The following DNAJC15 variants were observed in gnomAD, a reference collection of about 807,000 sequenced individuals.
DNAJC15 encodes the protein DnaJ heat shock protein family (Hsp40) member C15, also known as dnaJ homolog subfamily C member 15.
A neutral mutation model predicts 22.4 loss-of-function variants in DNAJC15; 27 were observed. The observed-to-expected ratio is 1.20, with a 90% CI of 0.89 to 1.66. The LOEUF (loss-of-function observed/expected upper bound fraction) is 1.66, where lower values mean the gene tolerates loss of function less well. Among genes scored for constraint, DNAJC15 ranks in the 40% most tolerant of loss-of-function variants. The pLI is 0.00. For missense variants in DNAJC15, 208 were observed against 187.1 expected (o/e 1.11, Z -0.65); for synonymous variants, 79 against 63.2 (o/e 1.25, Z -1.19).
At chr13:43,104,380 T>C (rs760499946) in intron 5 of DNAJC15, among the ~76,000 whole-genome samples, 5 of 152,230 alleles carry the variant, frequency 3.3e-5, no homozygotes, top group Non-Finnish European at 7.3e-5. Flanking sequence ...TGCATTTCCG[T>C]TATCTCCAGG....
intron 1 of DNAJC15, among the ~76,000 whole-genome samples, chr13:43,057,394 G>T (rs1352752297): frequency 6.6e-6 from 1 of 151,964 alleles, no homozygotes; most frequent in African/African-American, 2.4e-5. Flanking sequence ...CGATTCTGTT[G>T]TAACTTTCCA....
At chr13:43,050,108 C>T (rs1464757092) in intron 1 of DNAJC15, among the ~76,000 whole-genome samples, 2 of 151,890 alleles carry the variant, frequency 1.3e-5, no homozygotes, top group East Asian at 1.9e-4. Context: ...TTAGTAGAGA[C>T]GGGGTTTTGT....
chr13:43,081,683 T>C (rs9594880), intron 4 of DNAJC15, among the ~76,000 whole-genome samples: 39,172 of 151,742 alleles, frequency 0.26, 5,225 homozygotes, highest in Non-Finnish European at 0.31. Context: ...GTGATCCGCC[T>C]GCCTCAGCCT....
chr13:43,055,320 C>T (rs1593316090), intron 1 of DNAJC15, among the ~76,000 whole-genome samples: 1 of 152,196 alleles, frequency 6.6e-6, no homozygotes, highest in South Asian at 2.1e-4. Flanking sequence ...ATAAGACATC[C>T]CCTCCTCACT....
At chr13:43,061,785 C>T (rs773477725) in intron 1 of DNAJC15, among the ~76,000 whole-genome samples, 27 of 152,256 alleles carry the variant, frequency 1.8e-4, no homozygotes, top group Admixed American at 3.3e-4. Context: ...CTACGCAGCT[C>T]CTGCCAAGCC....
At chr13:43,041,643 C>A (rs1242736521) in intron 1 of DNAJC15, among the ~76,000 whole-genome samples, 1 of 152,152 alleles carries the variant, frequency 6.6e-6, no homozygotes, top group Non-Finnish European at 1.5e-5. Flanking sequence ...CTCCCTGTAT[C>A]CTCACATTTC....
intron 1 of DNAJC15, among the ~76,000 whole-genome samples, chr13:43,025,908 A>C (rs564655636): frequency 2.1e-4 from 32 of 152,380 alleles, no homozygotes; most frequent in African/African-American, 7.2e-4. Context: ...TGTCTCAAAA[A>C]AAAGAAAATA....
intron 4 of DNAJC15, among the ~76,000 whole-genome samples, chr13:43,080,745 T>G (rs1056108108): frequency 1.3e-5 from 2 of 152,248 alleles, no homozygotes; most frequent in East Asian, 3.8e-4. Context: ...TGATGATACC[T>G]TTTTACATAA....
intron 3 of DNAJC15, among the ~76,000 whole-genome samples, chr13:43,069,702 A>G (rs1456753957): frequency 6.6e-6 from 1 of 152,228 alleles, no homozygotes; most frequent in Non-Finnish European, 1.5e-5. Flanking sequence ...TCTGGGATAG[A>G]TCAACTTGGT....
At chr13:43,076,390 CT>C (rs1397248519) in intron 3 of DNAJC15, among the ~76,000 whole-genome samples, 1 of 152,186 alleles carries the variant, frequency 6.6e-6, no homozygotes, top group Non-Finnish European at 1.5e-5. Context: ...ATGGCCAGAT[CT>C]GACTCCCTAG....
intron 1 of DNAJC15, among the ~76,000 whole-genome samples, chr13:43,045,045 G>A (rs1475645566): frequency 6.7e-6 from 1 of 149,944 alleles, no homozygotes; most frequent in Non-Finnish European, 1.5e-5. Flanking sequence ...TCTTTATGTT[G>A]ACCATATAAG....
intron 1 of DNAJC15, among the ~76,000 whole-genome samples, chr13:43,054,645 T>C (rs2040520856): frequency 6.6e-6 from 1 of 152,210 alleles, no homozygotes; most frequent in African/African-American, 2.4e-5. Flanking sequence ...GGTTGTATAT[T>C]TCCTGGAATT....
At chr13:43,105,350 A>G (rs1239996262) in intron 5 of DNAJC15, among the ~76,000 whole-genome samples, 1 of 152,172 alleles carries the variant, frequency 6.6e-6, no homozygotes, top group Non-Finnish European at 1.5e-5. Context: ...AATGGCTCTA[A>G]TTAATGGAAC....
chr13:43,044,503 T>C (rs1213413020), intron 1 of DNAJC15, among the ~76,000 whole-genome samples: 1 of 152,134 alleles, frequency 6.6e-6, no homozygotes, highest in Non-Finnish European at 1.5e-5. Context: ...AAAAGGCAGT[T>C]AGTGTCATTC....
rs373664935 is a variant in DNAJC15, at chr13:43,023,655, T to C, written c.29T>C (p.Val10Ala). 67 of 1,612,534 alleles carry C rather than the reference T, an allele frequency of 4.2e-5. No homozygotes were observed. The Middle Eastern group carries it at 5.0e-4, about 12-fold the overall frequency. ...GCTGCCCGTGGTGTCATCGCTCCAG[T>C]TGGCGAGAGTTTGCGCTACGCTGAG... Reference protein sequence around the residue: MAARGVIAPVGESLRYAEYL... With the variant: MAARGVIAPAGESLRYAEYL... The change falls in exon 1 of 6, where the codon GTT (valine) becomes GCT (alanine). Residue 10 changes from valine (V) to alanine (A), a missense_variant. Val to Ala is a moderately conservative substitution (Grantham distance 64). Coordinates refer to ENST00000379221, the MANE Select transcript of DNAJC15 (RefSeq NM_013238.3).
At chr13:43,023,832 G>T (rs1168475100) in intron 1 of DNAJC15, 98 bp downstream of exon 1, 20 of 1,139,788 alleles carry the variant, frequency 1.8e-5, no homozygotes, top group Non-Finnish European at 2.2e-5. Context: ...GTACTCCCCC[G>T]CATTCGCTCA....
At chr13:43,036,333 C>A (rs1201214042) in intron 1 of DNAJC15, among the ~76,000 whole-genome samples, 1 of 151,984 alleles carries the variant, frequency 6.6e-6, no homozygotes, top group Non-Finnish European at 1.5e-5. Flanking sequence ...CCCAGTGCAG[C>A]CCTCAACAGA....
chr13:43,109,942 TAAAAA>T lies in DNAJC15; in HGVS notation c.*2697_*2701del, dbSNP rs10611445. The stretch of plus-strand genomic sequence containing the variant: ...TAAAGCATTTAGTCACGTAAATGCT[TAAAAA>T]AATGTAATTTTTACTTCTTTCACTG... On this transcript the variant is annotated 3_prime_UTR_variant, in exon 6 of 6. Transcript: ENST00000379221. 7 of 152,148 alleles carry T rather than the reference TAAAAA, an allele frequency of 4.6e-5. No individual in the cohort carries two copies. The highest frequency in any genetic ancestry group is 1.7e-4 in the African/African-American group (7 of 41,410). 9.4% of individuals were successfully genotyped at this position (152,148 alleles called of 1,614,324 possible).
chr13:43,046,323 C>T (rs1393242772), intron 1 of DNAJC15, among the ~76,000 whole-genome samples: 1 of 151,730 alleles, frequency 6.6e-6, no homozygotes, highest in Non-Finnish European at 1.5e-5. Flanking sequence ...ATTATATTTT[C>T]CCATTTCAAA....
Sources: allele counts gnomAD v4.1 joint callset (sites outside exome capture counted in the v4.1 genomes callset), GRCh38; gene constraint gnomAD v4.1.1; transcripts MANE v1.5; gene names NCBI Gene and HGNC (gene_info 2026-07-23, HGNC 2026-07-21).